SLC4A10: variants seen among roughly 807,000 people sequenced by gnomAD.
SLC4A10 encodes solute carrier family 4 member 10, also known as sodium-driven chloride bicarbonate exchanger.
A neutral mutation model predicts 137.7 loss-of-function variants in SLC4A10; 42 were observed. The observed-to-expected ratio is 0.30, with a 90% CI of 0.24 to 0.39. The LOEUF is 0.39. SLC4A10 is among the 10% of genes least tolerant of loss of function. SLC4A10 has a pLI of 1.00. For missense variants in SLC4A10, 925 were observed against 1,355.0 expected (o/e 0.68, Z 4.98); for synonymous variants, 474 against 464.1 (o/e 1.02, Z -0.27).
intron 25 of SLC4A10, chr2:161,977,278 A>C: frequency 2.7e-6 from 1 of 368,684 alleles, no homozygotes; most frequent in Non-Finnish European, 5.4e-6. Flanking sequence ...ATAAATATGC[A>C]TAAATATTTA....
chr2:161,674,315 A>C (rs766918628), intron 1 of SLC4A10, among the ~76,000 whole-genome samples: 1 of 152,190 alleles, frequency 6.6e-6, no homozygotes, highest in Non-Finnish European at 1.5e-5. Flanking sequence ...CAGCATTGTG[A>C]AGTAGCATTG....
intron 5 of SLC4A10, among the ~76,000 whole-genome samples, chr2:161,860,694 T>A (rs2060385298): frequency 6.6e-6 from 1 of 152,164 alleles, no homozygotes; most frequent in Non-Finnish European, 1.5e-5. Flanking sequence ...TATCACACAT[T>A]TTCAGAATTG....
intron 3 of SLC4A10, among the ~76,000 whole-genome samples, chr2:161,814,147 A>G (rs998151249): frequency 1.1e-4 from 17 of 152,168 alleles, no homozygotes; most frequent in African/African-American, 3.9e-4. Context: ...AAAAGAAGAC[A>G]TATAAGCAGC....
intron 10 of SLC4A10, among the ~76,000 whole-genome samples, chr2:161,883,660 G>T (rs537707827): frequency 6.6e-6 from 1 of 152,070 alleles, no homozygotes; most frequent in Non-Finnish European, 1.5e-5. Context: ...CAATCCCTTC[G>T]AAGTCTCTAG....
intron 15 of SLC4A10, among the ~76,000 whole-genome samples, chr2:161,940,565 G>A (rs1348297938): frequency 1.3e-5 from 2 of 152,184 alleles, no homozygotes; most frequent in East Asian, 3.9e-4. Context: ...GCGCGTCAGA[G>A]ATTTTCCCCA....
At chr2:161,666,501 G>A (rs1311037280) in intron 1 of SLC4A10, among the ~76,000 whole-genome samples, 1 of 151,656 alleles carries the variant, frequency 6.6e-6, no homozygotes, top group African/African-American at 2.4e-5. Context: ...CAAATACCAA[G>A]TTTCTTTGTC....
intron 3 of SLC4A10, among the ~76,000 whole-genome samples, chr2:161,816,948 A>G (rs1475426686): frequency 2.0e-5 from 3 of 152,148 alleles, no homozygotes; most frequent in East Asian, 3.9e-4. Context: ...ATACATGTGC[A>G]TGTGTCTTTA....
chr2:161,892,413 A>G (rs2063014445), intron 10 of SLC4A10, among the ~76,000 whole-genome samples: 1 of 151,388 alleles, frequency 6.6e-6, no homozygotes, highest in Admixed American at 6.6e-5. Context: ...TATATTTTTA[A>G]TATTAAAAAA....
At chr2:161,685,804 A>G (rs2041338553) in intron 1 of SLC4A10, among the ~76,000 whole-genome samples, 1 of 152,186 alleles carries the variant, frequency 6.6e-6, no homozygotes, top group Non-Finnish European at 1.5e-5. Context: ...TGATAGCTGT[A>G]TCATCCAAGG....
Position 161,957,113 on chromosome 2 carries a change from A to C in SLC4A10, c.2666A>C (p.Lys889Thr). 6.2e-7 allele frequency: 1 copy of C among 1,613,688 alleles called. No individual in the cohort carries two copies. The highest frequency in any genetic ancestry group is 8.5e-7 in the Non-Finnish European group (1 of 1,179,804). ...VLSITHVNSLKLESECSAPGE... is the reference protein window; with the variant it reads ...VLSITHVNSLTLESECSAPGE... ...TCCATCACTCATGTCAATAGCCTAA[A>C]ACTGGAATCAGAATGCTCAGCTCCA... is the stretch of plus-strand genomic sequence containing the variant. The change falls in exon 20 of 27, where the codon AAA becomes ACA. Residue 889 changes from lysine to threonine, a missense_variant. Lys to Thr is a moderately conservative substitution (Grantham distance 78). Transcript: ENST00000446997.
At position 161,886,342 on chromosome 2, in the gene SLC4A10, T is replaced by TA. The variant is rs201956503; in HGVS notation, c.1194+3906dup. On this transcript the variant is annotated intron_variant, in intron 10 of 26. Transcript: ENST00000446997. ...TGAATGTCCAGATTTACCCCATCCT[T>TA]AAAAAAAATTATTTACTACTTAGAA... Among the ~76,000 whole-genome samples, 381 of 152,084 alleles carry TA rather than the reference T, an allele frequency of 2.5e-3. 6 individuals are homozygous for TA. The highest frequency in any genetic ancestry group is 0.016 in the Admixed American group (243 of 15,264).
chr2:161,822,513 A>G (rs2057707480), intron 3 of SLC4A10, among the ~76,000 whole-genome samples: 1 of 152,126 alleles, frequency 6.6e-6, no homozygotes, highest in Non-Finnish European at 1.5e-5. Context: ...TGGCTATTCA[A>G]AGTACTGATA....
intron 1 of SLC4A10, among the ~76,000 whole-genome samples, chr2:161,699,889 G>A (rs555057908): frequency 1.3e-5 from 2 of 152,212 alleles, no homozygotes; most frequent in East Asian, 3.9e-4. Context: ...TATGAATTAA[G>A]CACTTTATAA....
intron 3 of SLC4A10, among the ~76,000 whole-genome samples, chr2:161,814,541 G>A (rs767067055): frequency 5.9e-5 from 9 of 152,010 alleles, no homozygotes; most frequent in Admixed American, 4.6e-4. Flanking sequence ...CTCATCAACA[G>A]TGGATTGAAT....
intron 1 of SLC4A10, among the ~76,000 whole-genome samples, chr2:161,716,101 C>T (rs1180242202): frequency 6.6e-6 from 1 of 151,314 alleles, no homozygotes; most frequent in Non-Finnish European, 1.5e-5. Flanking sequence ...TAAGCTTTCT[C>T]TAAATATGTT....
chr2:161,728,708 T>C (rs1358868132), intron 1 of SLC4A10, among the ~76,000 whole-genome samples: 1 of 152,184 alleles, frequency 6.6e-6, no homozygotes, highest in Non-Finnish European at 1.5e-5. Context: ...AATCATTTTA[T>C]GAAGCCAGAA....
intron 2 of SLC4A10, among the ~76,000 whole-genome samples, chr2:161,777,260 C>G: frequency 6.6e-6 from 1 of 151,782 alleles, no homozygotes; most frequent in East Asian, 1.9e-4. Context: ...ACAGTAACCT[C>G]TTACCAGATA....
At chr2:161,955,391 C>CTAATCAAA (rs1695475830) in intron 19 of SLC4A10, among the ~76,000 whole-genome samples, 1 of 152,192 alleles carries the variant, frequency 6.6e-6, no homozygotes, top group African/African-American at 2.4e-5. Flanking sequence ...TCAACTCTTA[C>CTAATCAAA]TAATCAAATT....
At chr2:161,819,604 C>A (rs1408024322) in intron 3 of SLC4A10, among the ~76,000 whole-genome samples, 1 of 151,990 alleles carries the variant, frequency 6.6e-6, no homozygotes, top group Non-Finnish European at 1.5e-5. Context: ...AAGCGATTCT[C>A]CTGCCTCAGC....
Sources: allele counts gnomAD v4.1 joint callset (sites outside exome capture counted in the v4.1 genomes callset), GRCh38; gene constraint gnomAD v4.1.1; transcripts MANE v1.5; gene names NCBI Gene and HGNC (gene_info 2026-07-23, HGNC 2026-07-21).